The following PLOD1 variants were observed in gnomAD, a reference collection of about 807,000 sequenced individuals.
The protein encoded by PLOD1 is procollagen-lysine,2-oxoglutarate 5-dioxygenase 1.
In PLOD1, 70 loss-of-function variants were observed where a neutral mutation model predicts 94.7. That is an observed-to-expected ratio of 0.74 (90% confidence interval 0.61 to 0.90). The LOEUF (loss-of-function observed/expected upper bound fraction) is 0.90, where lower values mean the gene tolerates loss of function less well. PLOD1 is among the 40% of genes least tolerant of loss of function. The pLI is 0.00. For missense variants in PLOD1, 905 were observed against 972.7 expected (o/e 0.93, Z 0.93); for synonymous variants, 417 against 400.2 (o/e 1.04, Z -0.50).
intron 16 of PLOD1, among the ~76,000 whole-genome samples, chr1:11,968,220 C>T (rs983408358): frequency 5.9e-5 from 9 of 152,148 alleles, no homozygotes; most frequent in Non-Finnish European, 1.3e-4. Flanking sequence ...TCCCAAATTG[C>T]TGGGATTACA....
At position 11,957,050 on chromosome 1, in the gene PLOD1, G is replaced by C; in HGVS notation, c.741+36G>C. 7.4e-7 allele frequency: 1 copy of C among 1,348,658 alleles called. No individual in the cohort carries two copies. The highest frequency in any genetic ancestry group is 1.1e-6 in the Non-Finnish European group (1 of 937,590). 83.5% of individuals were successfully genotyped at this position (1,348,658 alleles called of 1,614,324 possible). On this transcript the variant is annotated intron_variant, in intron 7 of 18. Coordinates refer to ENST00000196061, the MANE Select transcript of PLOD1 (RefSeq NM_000302.4). The surrounding 1 kb of genome is among the most constrained non-coding windows in gnomAD (Gnocchi z 4.1). Reference sequence around the variant, plus strand: ...CCCAGCCCCTGGGGAGTGTGGGAGGGGGCCAGAGCCCTAATTTCATTCTCA... The same window carrying C: ...CCCAGCCCCTGGGGAGTGTGGGAGGCGGCCAGAGCCCTAATTTCATTCTCA...
chr1:11,964,892 G>T, intron 13 of PLOD1, 107 bp downstream of exon 13: 1 of 1,237,342 alleles, frequency 8.1e-7, no homozygotes, highest in South Asian at 1.3e-5. Context: ...CGTAGGCCTG[G>T]GAGCTCCAGA....
Position 11,964,430 on chromosome 1 carries a change from G to T in PLOD1, c.1328+130G>T, listed in dbSNP as rs1361430902. On this transcript the variant is annotated intron_variant, in intron 12 of 18. Transcript: ENST00000196061. Reference sequence around the variant, plus strand: ...TTCCTGTTGAACCTGAAGCAAGGAAGACTTCAGTTAGACACACAGAAGGAC... The same window carrying T: ...TTCCTGTTGAACCTGAAGCAAGGAATACTTCAGTTAGACACACAGAAGGAC... 4 of 1,073,656 alleles carry T rather than the reference G, an allele frequency of 3.7e-6. No individual in the cohort carries two copies. In the East Asian group the frequency reaches 9.5e-5, roughly 25 times the overall value. The allele number at this position is 1,073,656 out of a possible 1,614,324, so 66.5% of individuals were successfully genotyped here.
chr1:11,956,045 C>T (rs914379319), intron 6 of PLOD1, among the ~76,000 whole-genome samples: 2 of 150,510 alleles, frequency 1.3e-5, no homozygotes, highest in African/African-American at 2.4e-5. Context: ...TACAGGTGTG[C>T]GCCAGCGTGC....
chr1:11,965,409 G>A (rs916806668), intron 13 of PLOD1, 71 bp from the exon 14 acceptor site: 2 of 898,506 alleles, frequency 2.2e-6, no homozygotes, highest in Non-Finnish European at 3.7e-6. Context: ...CCGTCTGGGA[G>A]CGTGCAGGGG....
Position 11,972,817 on chromosome 1 carries a change from C to T in PLOD1, c.1903-55C>T. The T allele has an allele frequency of 6.2e-7, 1 of 1,609,266 alleles. No homozygotes were observed. The highest frequency in any genetic ancestry group is 8.5e-7 in the Non-Finnish European group (1 of 1,176,014). On this transcript the variant is annotated intron_variant, in intron 17 of 18. Transcript: ENST00000196061. This position sits in a 1 kb window ranked among gnomAD's most constrained non-coding sequence, Gnocchi z 4.6. ...CCATGTGTGCACCCTCCTCTCCTGG[C>T]CTTTGTGTCCTCCTTAACTAACACG...
chr1:11,940,054 G>A (rs1229554994), intron 1 of PLOD1, among the ~76,000 whole-genome samples: 1 of 151,906 alleles, frequency 6.6e-6, no homozygotes, highest in East Asian at 1.9e-4. Flanking sequence ...GTGAGCCACT[G>A]CACCTGGCTA....
rs1432793242 is a variant in PLOD1 at position 11,957,827 on chromosome 1, A to C, written c.742-15A>C. 6.3e-7 allele frequency: 1 copy of C among 1,599,244 alleles called. No individual in the cohort carries two copies. Among genetic ancestry groups the C allele is most frequent in the African/African-American group, 1.3e-5 (1 of 74,714 alleles). On this transcript the variant is annotated splice_polypyrimidine_tract_variant and intron_variant, in intron 7 of 18. Transcript: ENST00000196061. The surrounding 1 kb of genome is among the most constrained non-coding windows in gnomAD (Gnocchi z 4.1). Reference sequence around the variant, plus strand: ...GGCTGGCTGGCTTCTCTGTGACCCCACGTCTCCCCGACAGCTGCAGTTGAA... The same window carrying C: ...GGCTGGCTGGCTTCTCTGTGACCCCCCGTCTCCCCGACAGCTGCAGTTGAA...
intron 9 of PLOD1, among the ~76,000 whole-genome samples, chr1:11,959,771 C>T (rs1320100310): frequency 6.6e-6 from 1 of 151,566 alleles, no homozygotes; most frequent in Non-Finnish European, 1.5e-5. Context: ...GCGCCTGCCA[C>T]CGTGCCTGGC....
intron 1 of PLOD1, among the ~76,000 whole-genome samples, chr1:11,936,398 G>T (rs1218813811): frequency 6.6e-6 from 1 of 151,326 alleles, no homozygotes; most frequent in Non-Finnish European, 1.5e-5. Flanking sequence ...CCAAGCAGAA[G>T]TGGCGGTACT....
chr1:11,974,935 G>GAGCC lies in PLOD1; in HGVS notation c.*129_*132dup. 3.4e-6 allele frequency: 3 copies of GAGCC among 894,290 alleles called. No homozygotes were observed. The highest frequency in any genetic ancestry group is 5.7e-6 in the Non-Finnish European group (3 of 526,584). 55.4% of individuals were successfully genotyped at this position (894,290 alleles called of 1,614,324 possible). On this transcript the variant is annotated 3_prime_UTR_variant, in exon 19 of 19. Coordinates refer to ENST00000196061, the MANE Select transcript of PLOD1 (RefSeq NM_000302.4). ...GGCTGTTGACTTCCCATTGCTCTTGGAGCCACCAATCAAAGAGATTCAAAG... is the reference window on the plus strand; with the variant it reads ...GGCTGTTGACTTCCCATTGCTCTTGGAGCCAGCCACCAATCAAAGAGATTCAAAG...
intron 9 of PLOD1, among the ~76,000 whole-genome samples, chr1:11,959,597 C>T (rs1220733192): frequency 6.6e-6 from 1 of 150,546 alleles, no homozygotes; most frequent in Non-Finnish European, 1.5e-5. Flanking sequence ...CATGCGCCAT[C>T]ACAACTGGCT....
At chr1:11,966,618 A>C (rs1478126195) in intron 15 of PLOD1, among the ~76,000 whole-genome samples, 3 of 152,094 alleles carry the variant, frequency 2.0e-5, no homozygotes, top group African/African-American at 7.2e-5. Flanking sequence ...TGGCCCAGGC[A>C]GGAAGGAGGA....
intron 9 of PLOD1, among the ~76,000 whole-genome samples, chr1:11,959,923 T>G (rs761094244): frequency 2.0e-5 from 3 of 150,096 alleles, no homozygotes; most frequent in African/African-American, 7.4e-5. Flanking sequence ...GCTGGATGGT[T>G]GTTTTTCCTT....
chr1:11,968,876 C>T (rs374578349), intron 16 of PLOD1, among the ~76,000 whole-genome samples: 6 of 135,730 alleles, frequency 4.4e-5, no homozygotes, highest in Admixed American at 2.9e-4. Flanking sequence ...GAGCCTCGCT[C>T]TGTCGCCCAG....
At chr1:11,970,500 TG>T (rs2100764426) in intron 16 of PLOD1, among the ~76,000 whole-genome samples, 169 bp from the exon 17 acceptor site, 1 of 152,282 alleles carries the variant, frequency 6.6e-6, no homozygotes, top group Admixed American at 6.5e-5. Flanking sequence ...ATCTCCCTTT[TG>T]ATTAACCCAA....
Position 11,954,580 on chromosome 1 carries a change from C to A in PLOD1, c.580-250C>A, listed in dbSNP as rs370239775. Reference sequence around the variant, plus strand: ...ACGGCCGTCATTGTTGTAGGTGAGCCGGCTGCATTCTTAGATTCCTTCCAG... The same window carrying A: ...ACGGCCGTCATTGTTGTAGGTGAGCAGGCTGCATTCTTAGATTCCTTCCAG... On this transcript the variant is annotated intron_variant, in intron 5 of 18. Coordinates refer to ENST00000196061, the MANE Select transcript of PLOD1 (RefSeq NM_000302.4). The A allele has an allele frequency of 8.1e-6, 6 of 743,806 alleles. No individual in the cohort carries two copies. The South Asian group carries it at 8.2e-5, about 10-fold the overall frequency. 46.1% of individuals were successfully genotyped at this position (743,806 alleles called of 1,614,324 possible).
At chr1:11,937,748 G>A (rs971806127) in intron 1 of PLOD1, among the ~76,000 whole-genome samples, 1 of 152,062 alleles carries the variant, frequency 6.6e-6, no homozygotes, top group Non-Finnish European at 1.5e-5. Flanking sequence ...TATGGGCGGA[G>A]GACAGGATCA....
rs186416986 is a variant in PLOD1 at position 11,958,870 on chromosome 1, A to C, written c.975+223A>C. 2.7e-3 allele frequency among the ~76,000 whole-genome samples: 409 copies of C among 152,316 alleles called. 8 individuals are homozygous for C. Among genetic ancestry groups the C allele is most frequent in the Admixed American group, 0.018 (278 of 15,286 alleles). On this transcript the variant is annotated intron_variant, in intron 9 of 18. Coordinates refer to ENST00000196061, the MANE Select transcript of PLOD1 (RefSeq NM_000302.4). The surrounding 1 kb of genome is among the most constrained non-coding windows in gnomAD (Gnocchi z 4.3). Reference sequence around the variant, plus strand: ...TTTTATTGGCTGTGTGACCTTGGGCACATTACTCAACCTCTCTGTGCTTTA... The same window carrying C: ...TTTTATTGGCTGTGTGACCTTGGGCCCATTACTCAACCTCTCTGTGCTTTA...
Sources: gnomAD v4.1 joint callset for allele counts (sites outside exome capture counted in the v4.1 genomes callset) on GRCh38, gnomAD v4.1.1 for gene constraint, Gnocchi (gnomAD v3.1) non-coding constraint, MANE v1.5 for transcripts, NCBI Gene and HGNC (gene_info 2026-07-23, HGNC 2026-07-21) for gene names.